The following ARID1A variants were observed in gnomAD, a reference collection of about 807,000 sequenced individuals.
ARID1A encodes AT-rich interactive domain-containing protein 1A.
A neutral mutation model predicts 212.6 loss-of-function variants in ARID1A; 20 were observed. The ratio of observed to expected loss-of-function variants is 0.09; its 90% CI spans 0.07 to 0.14. The LOEUF is 0.14. Among genes scored for constraint, ARID1A ranks in the 10% least tolerant of loss-of-function variants. ARID1A has a pLI of 1.00. For synonymous variants in ARID1A, 1,376 were observed against 1,222.1 expected (o/e 1.13, Z -2.63); for missense variants, 2,587 against 3,059.0 (o/e 0.85, Z 3.64).
chr1:26,750,032 T>A (rs1415874937), intron 4 of ARID1A, among the ~76,000 whole-genome samples: 1 of 152,226 alleles, frequency 6.6e-6, no homozygotes, highest in East Asian at 1.9e-4. Flanking sequence ...GTCTGGCATC[T>A]TTCTGGTCAC....
At chr1:26,775,832 G>T (rs1364115669) in intron 19 of ARID1A, 125 bp downstream of exon 19, 1 of 1,441,682 alleles carries the variant, frequency 6.9e-7, no homozygotes, top group African/African-American at 1.4e-5. Flanking sequence ...TTCCATGCCA[G>T]TACTTTGCTT....
chr1:26,761,253 G>A, intron 5 of ARID1A, 131 bp from the exon 6 acceptor site: 1 of 1,450,388 alleles, frequency 6.9e-7, no homozygotes, highest in Non-Finnish European at 9.4e-7. Context: ...CCTGTTGGCT[G>A]GATCTCTTTG....
intron 1 of ARID1A, among the ~76,000 whole-genome samples, chr1:26,706,185 A>G (rs1176380071): frequency 1.3e-5 from 2 of 152,050 alleles, no homozygotes; most frequent in Admixed American, 6.6e-5. Flanking sequence ...GGGCTTCCTT[A>G]TGGCTTTGTT....
chr1:26,758,784 G>A (rs932388808), intron 4 of ARID1A, among the ~76,000 whole-genome samples: 2 of 152,118 alleles, frequency 1.3e-5, no homozygotes, highest in African/African-American at 2.4e-5. Flanking sequence ...ATGCTGGAAC[G>A]AATTCTCATT....
chr1:26,738,270 G>A (rs780072296), intron 4 of ARID1A, among the ~76,000 whole-genome samples: 3 of 151,940 alleles, frequency 2.0e-5, no homozygotes, highest in Admixed American at 1.3e-4. Context: ...TGATCCACCC[G>A]CCTCGGCCTC....
Position 26,772,891 on chromosome 1 carries a change from C to A in ARID1A, c.3619C>A (p.Pro1207Thr), listed in dbSNP as rs2124107296. ...ATTCCAGAAGCGGAATTCCATGACT[C>A]CAAACCCTGGGTATCAGCCCAGTAT... ...STFQKRNSMT[P>T]NPGYQPSMNT... The change falls in exon 14 of 20, where the codon CCA (proline) becomes ACA (threonine). Residue 1207 changes from proline (P) to threonine (T), a missense_variant. Around this residue, in one of 11 missense-constraint regions of ARID1A, gnomAD observed 890 missense variants for 1,098.2 expected, o/e 0.81. Coordinates refer to ENST00000324856, the MANE Select transcript of ARID1A (RefSeq NM_006015.6). The A allele has an allele frequency of 6.2e-7, 1 of 1,614,158 alleles. No homozygotes were observed.
intron 2 of ARID1A, among the ~76,000 whole-genome samples, chr1:26,730,361 C>G (rs753278075): frequency 6.6e-6 from 1 of 152,090 alleles, no homozygotes; most frequent in African/African-American, 2.4e-5. Context: ...TTAAGATTTC[C>G]CCTTATCCAT....
intron 19 of ARID1A, among the ~76,000 whole-genome samples, chr1:26,777,806 G>T (rs1224155155): frequency 1.3e-5 from 2 of 152,088 alleles, no homozygotes; most frequent in Non-Finnish European, 2.9e-5. Flanking sequence ...AGTGGCTCAC[G>T]CCAGTAATCC....
At chr1:26,711,228 CCT>C (rs772781237) in intron 1 of ARID1A, among the ~76,000 whole-genome samples, 19 of 152,072 alleles carry the variant, frequency 1.2e-4, no homozygotes, top group Admixed American at 2.0e-4. Context: ...CCTGCCTCAG[CCT>C]CTCGTAGCTG....
chr1:26,736,176 TAGCC>T (rs1396007431), intron 4 of ARID1A, among the ~76,000 whole-genome samples: 3 of 150,310 alleles, frequency 2.0e-5, no homozygotes, highest in African/African-American at 7.4e-5. Flanking sequence ...TATAAAAAAT[TAGCC>T]AGGCATGGCA....
chr1:26,770,884 G>A lies in ARID1A; in HGVS notation c.3199-235G>A, dbSNP rs1331638939. ...CCAGTAGTAATGTGAAATTTGCCCTGTTGTGAATAAGCACAGTCTGATAGT... is the reference window on the plus strand; with the variant it reads ...CCAGTAGTAATGTGAAATTTGCCCTATTGTGAATAAGCACAGTCTGATAGT... On this transcript the variant is annotated intron_variant, in intron 11 of 19. Transcript: ENST00000324856. 6 of 529,142 alleles carry A rather than the reference G, an allele frequency of 1.1e-5. No individual in the cohort carries two copies. In the African/African-American group the frequency reaches 1.1e-4, roughly 10 times the overall value. 32.8% of individuals were successfully genotyped at this position (529,142 alleles called of 1,614,324 possible).
At chr1:26,732,932 G>A in intron 4 of ARID1A, 140 bp downstream of exon 4, 1 of 704,156 alleles carries the variant, frequency 1.4e-6, no homozygotes. Flanking sequence ...CTTAAAGGCT[G>A]ACTTGTAGAT....
intron 1 of ARID1A, among the ~76,000 whole-genome samples, chr1:26,711,842 G>T (rs1313542251): frequency 6.6e-6 from 1 of 152,102 alleles, no homozygotes; most frequent in East Asian, 1.9e-4. Flanking sequence ...AAGCACTTTG[G>T]GATGCTGAGC....
At position 26,696,991 on chromosome 1, in the gene ARID1A, G is replaced by T; in HGVS notation, c.588G>T (p.Ala196=). The change falls in exon 1 of 20, where the codon GCG becomes GCT. Residue 196 remains alanine, a synonymous_variant. Transcript: ENST00000324856. ...GCGGCGGGGGCCTGGAGCCCTACGC[G>T]GGGCCCCAGCAGAACTCTCACGACC... ...SGGGGGLEPY[A]GPQQNSHDHG... The T allele has an allele frequency of 6.6e-7, 1 of 1,511,816 alleles. No individual in the cohort carries two copies. Among genetic ancestry groups the T allele is most frequent in the Non-Finnish European group, 8.8e-7 (1 of 1,133,662 alleles). 93.7% of individuals were successfully genotyped at this position (1,511,816 alleles called of 1,614,324 possible).
chr1:26,732,011 T>C (rs2080683497), intron 3 of ARID1A, among the ~76,000 whole-genome samples: 1 of 152,210 alleles, frequency 6.6e-6, no homozygotes. Context: ...CATTCCATTC[T>C]GCTATCGCTC....
chr1:26,769,489 G>A (rs141554546), intron 11 of ARID1A: 2 of 152,354 alleles, frequency 1.3e-5, no homozygotes, highest in Non-Finnish European at 2.9e-5. Flanking sequence ...GACTGGCCTA[G>A]ATGCCACGGA....
intron 1 of ARID1A, among the ~76,000 whole-genome samples, chr1:26,718,519 G>A (rs951722955): frequency 6.6e-6 from 1 of 152,150 alleles, no homozygotes; most frequent in African/African-American, 2.4e-5. Context: ...TCCGTAGGGG[G>A]TTGGTTCCAG....
intron 4 of ARID1A, among the ~76,000 whole-genome samples, chr1:26,760,637 C>A (rs912010418): frequency 6.6e-6 from 1 of 151,646 alleles, no homozygotes; most frequent in Non-Finnish European, 1.5e-5. Context: ...TGCGATGAGC[C>A]GAGACGTGCC....
In ARID1A at chr1:26,780,352, G is replaced by C. The variant is rs754498428; in HGVS notation, c.6454G>C (p.Val2152Leu). 2 of 1,614,220 alleles carry C rather than the reference G, an allele frequency of 1.2e-6. No individual in the cohort carries two copies. Among genetic ancestry groups the C allele is most frequent in the South Asian group, 2.2e-5 (2 of 91,088 alleles). Residue 2152 changes from valine to leucine, a missense_variant, in exon 20 of 20, where the codon GTG (valine) becomes CTG (leucine). By Grantham distance (32) the Val-to-Leu change is conservative (BLOSUM62 1). Transcript: ENST00000324856. This position sits in a 1 kb window ranked among gnomAD's most constrained non-coding sequence, Gnocchi z 7.2. ...CCTGGAGAAGTTGTATAGCACTATG[G>C]TGCGCTTCCTCAGTGACCGAAAGAA... ...SRLEKLYSTMVRFLSDRKNPV... is the reference protein window; with the variant it reads ...SRLEKLYSTMLRFLSDRKNPV...
Sources: allele counts gnomAD v4.1 joint callset (sites outside exome capture counted in the v4.1 genomes callset), GRCh38; gene constraint gnomAD v4.1.1; regional missense constraint gnomAD v4.1.1; non-coding constraint Gnocchi (gnomAD v3.1); transcripts MANE v1.5; gene names NCBI Gene and HGNC (gene_info 2026-07-23, HGNC 2026-07-21).